EXD3: variants seen among roughly 807,000 people sequenced by gnomAD.
EXD3 encodes the protein exonuclease mut-7 homolog.
A neutral mutation model predicts 98.0 loss-of-function variants in EXD3; 92 were observed. The ratio of observed to expected loss-of-function variants is 0.94; its 90% CI spans 0.79 to 1.12. The LOEUF is 1.12. Among genes scored for constraint, EXD3 ranks in the 50% most tolerant of loss-of-function variants. The pLI is 0.00. For synonymous variants in EXD3, 569 were observed against 526.0 expected (o/e 1.08, Z -1.12); for missense variants, 1,222 against 1,191.6 (o/e 1.03, Z -0.38).
chr9:137,353,823 G>A, intron 10 of EXD3: 1 of 986,526 alleles, frequency 1.0e-6, no homozygotes, highest in Non-Finnish European at 1.2e-6. Flanking sequence ...ACGGCCTCGA[G>A]GAGGGTCCGC....
rs1000601592 is a variant in EXD3, at chr9:137,407,919, G to A, written c.-47-12515C>T. The stretch of plus-strand genomic sequence containing the variant: ...GGGCACCATGGACACCCCAGGCCCC[G>A]CAGCACACAAATGCGGAGCCTCAAG... On this transcript the variant is annotated intron_variant, in intron 1 of 21. Coordinates refer to ENST00000340951, the MANE Select transcript of EXD3 (RefSeq NM_017820.5). The surrounding 1 kb of genome is among the most constrained non-coding windows in gnomAD (Gnocchi z 4.4). Among the ~76,000 whole-genome samples the A allele has an allele frequency of 6.6e-6, 1 of 152,116 alleles. No homozygotes were observed. Among genetic ancestry groups the A allele is most frequent in the African/African-American group, 2.4e-5 (1 of 41,426 alleles).
chr9:137,331,476 C>G (rs372635437), intron 17 of EXD3, among the ~76,000 whole-genome samples: 1 of 152,140 alleles, frequency 6.6e-6, no homozygotes, highest in East Asian at 1.9e-4. Context: ...GTCAAACTAT[C>G]TCTGCCAATG....
intron 19 of EXD3, among the ~76,000 whole-genome samples, chr9:137,320,213 C>T (rs548111969): frequency 2.6e-5 from 4 of 152,342 alleles, no homozygotes; most frequent in South Asian, 2.1e-4. Context: ...GCAGCCCCCC[C>T]GCCCCTTCCC....
chr9:137,381,707 A>G (rs1836280642), intron 3 of EXD3, among the ~76,000 whole-genome samples: 2 of 151,992 alleles, frequency 1.3e-5, no homozygotes, highest in South Asian at 4.1e-4. Flanking sequence ...GTTCTCCAAA[A>G]TCCTGGTCTT....
At chr9:137,336,423 G>A (rs536143704) in intron 17 of EXD3, among the ~76,000 whole-genome samples, 1 of 152,332 alleles carries the variant, frequency 6.6e-6, no homozygotes, top group Admixed American at 6.5e-5. Flanking sequence ...CACTTCGGCA[G>A]GCTGAAGCAG....
At chr9:137,408,218 C>A (rs898038260) in intron 1 of EXD3, among the ~76,000 whole-genome samples, 2 of 152,060 alleles carry the variant, frequency 1.3e-5, no homozygotes, top group Admixed American at 6.6e-5. Context: ...CGGCCCTGCA[C>A]GTGCCCCAAA....
intron 18 of EXD3, 71 bp from the exon 19 acceptor site, chr9:137,323,927 C>T (rs1035707801): frequency 3.8e-5 from 58 of 1,541,910 alleles, no homozygotes; most frequent in African/African-American, 1.1e-4. Context: ...AGCCCGCCTC[C>T]GCCAGCATGG....
At chr9:137,345,671 A>AAAAAAAAAAAAAG (rs1554807528) in intron 17 of EXD3, 17 of 151,146 alleles carry the variant, frequency 1.1e-4, no homozygotes, top group African/African-American at 3.7e-4. Context: ...CAAAAAAAAA[A>AAAAAAAAAAAAAG]AAAAGGAAAG....
chr9:137,332,984 G>A (rs192472319), intron 17 of EXD3, among the ~76,000 whole-genome samples: 20 of 152,262 alleles, frequency 1.3e-4, no homozygotes, highest in Non-Finnish European at 2.6e-4. Context: ...TTGCCAAAGG[G>A]GATTCACATT....
intron 1 of EXD3, among the ~76,000 whole-genome samples, chr9:137,408,548 A>G (rs1245403473): frequency 7.0e-6 from 1 of 142,378 alleles, no homozygotes; most frequent in East Asian, 2.0e-4. Context: ...CTCTGCCTCA[A>G]AAAAAAAAAA....
rs534726432 is a variant in EXD3 at position 137,325,198 on chromosome 9, C to T, written c.1999-1055G>A. Among the ~76,000 whole-genome samples, 47 of 152,202 alleles carry T rather than the reference C, an allele frequency of 3.1e-4. No homozygotes were observed. The South Asian group carries it at 8.1e-3, about 26-fold the overall frequency. On this transcript the variant is annotated intron_variant, in intron 17 of 21. Coordinates refer to ENST00000340951, the MANE Select transcript of EXD3 (RefSeq NM_017820.5). ...CATACATTTTACACTAAAAGGAGCC[C>T]GAGCTTTTTGGAGAAATGACTGATT...
At position 137,373,476 on chromosome 9, in the gene EXD3, G is replaced by T. The variant is rs1238179905; in HGVS notation, c.244C>A (p.His82Asn). ...EGPSLAAWIS[H>N]QLQCWLQAQP... is the part of the protein sequence containing the mutation. ...GCCTGTAGCCAGCACTGCAGCTGGTGGGAGATCCAGGCCGCCAGGGAGGGG... is the reference window on the plus strand; with the variant it reads ...GCCTGTAGCCAGCACTGCAGCTGGTTGGAGATCCAGGCCGCCAGGGAGGGG... Residue 82 changes from histidine (H) to asparagine (N), a missense_variant, in exon 4 of 22, where the codon CAC becomes AAC. By Grantham distance (68) the His-to-Asn change is moderately conservative. Transcript: ENST00000340951. 2 of 1,609,340 alleles carry T rather than the reference G, an allele frequency of 1.2e-6. No individual in the cohort carries two copies. Among genetic ancestry groups the T allele is most frequent in the African/African-American group, 1.3e-5 (1 of 74,996 alleles).
chr9:137,331,025 A>C (rs1833041390), intron 17 of EXD3, among the ~76,000 whole-genome samples: 1 of 152,226 alleles, frequency 6.6e-6, no homozygotes, highest in African/African-American at 2.4e-5. Flanking sequence ...CTGCAAACGG[A>C]ATCCAACAGC....
chr9:137,383,576 C>A (rs889405596), intron 2 of EXD3, among the ~76,000 whole-genome samples, 199 bp from the exon 3 acceptor site: 1 of 152,228 alleles, frequency 6.6e-6, no homozygotes, highest in African/African-American at 2.4e-5. Context: ...TGTTCCTTCC[C>A]TGTGGCCCGT....
rs1832646517 is a variant in EXD3, at chr9:137,328,598, GGGACTACACGGGGCTACACGGGA to G, written c.1999-4478_1999-4456del. Among the ~76,000 whole-genome samples, 50 of 52,234 alleles carry G rather than the reference GGGACTACACGGGGCTACACGGGA, an allele frequency of 9.6e-4. 6 individuals are homozygous for G. In the East Asian group the frequency reaches 0.012, roughly 13 times the overall value. The allele number at this position is 52,234 out of a possible 152,430, so 34.3% of individuals were successfully genotyped here. On this transcript the variant is annotated intron_variant, in intron 17 of 21. Transcript: ENST00000340951. Reference sequence around the variant, plus strand: ...ACACAGGAGCTACACGGGACTACACGGGACTACACGGGGCTACACGGGACTACACGGGACTACACGGGGCTACA... The same window carrying G: ...ACACAGGAGCTACACGGGACTACACGCTACACGGGACTACACGGGGCTACA...
chr9:137,365,870 T>C, intron 7 of EXD3: 1 of 338,058 alleles, frequency 3.0e-6, no homozygotes, highest in South Asian at 2.1e-5. Flanking sequence ...CACACAGATA[T>C]ACATGCACAC....
intron 8 of EXD3, among the ~76,000 whole-genome samples, chr9:137,355,611 G>A (rs1474073877): frequency 6.4e-5 from 4 of 62,826 alleles, no homozygotes; most frequent in Non-Finnish European, 9.1e-5. Context: ...GAGAAAGGAG[G>A]AAGGAGGAAG....
At chr9:137,332,656 A>C (rs1833139777) in intron 17 of EXD3, among the ~76,000 whole-genome samples, 2 of 151,514 alleles carry the variant, frequency 1.3e-5, no homozygotes, top group East Asian at 1.9e-4. Flanking sequence ...ATCCTGGCTA[A>C]AACAGTGAAA....
In EXD3 at chr9:137,385,268, T is replaced by C. The variant is rs1400035587; in HGVS notation, c.56-1891A>G. Among the ~76,000 whole-genome samples the C allele has an allele frequency of 1.3e-5, 2 of 152,146 alleles. No individual in the cohort carries two copies. Among genetic ancestry groups the C allele is most frequent in the Non-Finnish European group, 2.9e-5 (2 of 68,028 alleles). On this transcript the variant is annotated intron_variant, in intron 2 of 21. Transcript: ENST00000340951. The surrounding 1 kb of genome is among the most constrained non-coding windows in gnomAD (Gnocchi z 4.4). ...GCTGAGAACACTCAAATGTCCACTG[T>C]AGGAGGACGGAGCAAGTGCATCAGC...
Sources: allele counts gnomAD v4.1 joint callset (sites outside exome capture counted in the v4.1 genomes callset), GRCh38; gene constraint gnomAD v4.1.1; non-coding constraint Gnocchi (gnomAD v3.1); transcripts MANE v1.5; gene names NCBI Gene and HGNC (gene_info 2026-07-23, HGNC 2026-07-21).